TSPEAR: variants seen among roughly 807,000 people sequenced by gnomAD.
TSPEAR encodes the protein thrombospondin-type laminin G domain and EAR repeat-containing protein.
TSPEAR carries 69 observed loss-of-function variants against 71.6 expected under a neutral mutation model. The observed-to-expected ratio is 0.96, with a 90% CI of 0.79 to 1.18. TSPEAR has a LOEUF of 1.18. TSPEAR is among the 50% of genes most tolerant of loss of function. The pLI is 0.00. For missense variants in TSPEAR, 971 were observed against 894.9 expected, an observed-to-expected ratio of 1.09 and a Z score of -1.09; for synonymous variants, 402 against 387.2, an observed-to-expected ratio of 1.04 and a Z score of -0.45.
At chr21:44,668,984 C>A in intron 1 of TSPEAR, among the ~76,000 whole-genome samples, 1 of 152,052 alleles carries the variant, frequency 6.6e-6, no homozygotes, top group Non-Finnish European at 1.5e-5. Flanking sequence ...TTTTAAAATC[C>A]ACATGATAGA....
In TSPEAR at chr21:44,580,337, G is replaced by A. The variant is rs1555924873; in HGVS notation, c.83-12332C>T. ...GCAGCAGGCCTGCTGGCAGGGGGAG[G>A]AGGCGCAGCAAGCCGGCTGGCAGCA... On this transcript the variant is annotated intron_variant, in intron 1 of 11. Transcript: ENST00000323084. 3.7e-6 allele frequency: 6 copies of A among 1,614,080 alleles called. No individual in the cohort carries two copies. The East Asian group carries it at 1.1e-4, about 30-fold the overall frequency.
At chr21:44,594,309 T>C (rs2146132218) in intron 1 of TSPEAR, among the ~76,000 whole-genome samples, 1 of 152,274 alleles carries the variant, frequency 6.6e-6, no homozygotes, top group South Asian at 2.1e-4. Context: ...GGGGACAAGA[T>C]GTAACCTTAT....
intron 2 of TSPEAR, among the ~76,000 whole-genome samples, chr21:44,536,703 A>G (rs1438481011): frequency 6.6e-6 from 1 of 152,238 alleles, no homozygotes; most frequent in South Asian, 2.1e-4. Context: ...AGGAAAAACA[A>G]TAGAAATGGG....
intron 2 of TSPEAR, among the ~76,000 whole-genome samples, chr21:44,556,342 C>T (rs1301406156): frequency 6.6e-6 from 1 of 151,882 alleles, no homozygotes; most frequent in African/African-American, 2.4e-5. Flanking sequence ...CTCCACTGCA[C>T]TCTAGCCTGG....
rs1463273612 is a variant in TSPEAR, at chr21:44,506,663, G to A, written c.1755-1782C>T. 6.6e-6 allele frequency: 1 copy of A among 152,366 alleles called. No individual in the cohort carries two copies. Among genetic ancestry groups the A allele is most frequent in the Non-Finnish European group, 1.5e-5 (1 of 68,132 alleles). 9.4% of individuals were successfully genotyped at this position (152,366 alleles called of 1,614,324 possible). A position where few individuals can be genotyped will look rare whatever the true frequency, so the allele number is the denominator to read the frequency against. Reference sequence around the variant, plus strand: ...CCCATGCAGCCCGTGCCAGCTCGCTGGGAGGAGGACGAGGACGCCTGTGAT... The same window carrying A: ...CCCATGCAGCCCGTGCCAGCTCGCTAGGAGGAGGACGAGGACGCCTGTGAT... On this transcript the variant is annotated intron_variant, in intron 10 of 11. Coordinates refer to ENST00000323084, the MANE Select transcript of TSPEAR (RefSeq NM_144991.3). This position sits in a 1 kb window ranked among gnomAD's most constrained non-coding sequence, Gnocchi z 4.2.
rs73909251 is a variant in TSPEAR at position 44,711,202 on chromosome 21, G to A, written c.82+231C>T. ...TGAAGCTCGTCCCCACCCTGCGTGC[G>A]TTCTAAAGAGCCGCGTTTCTATTGC... On this transcript the variant is annotated intron_variant, in intron 1 of 11. Transcript: ENST00000323084. The surrounding 1 kb of genome is among the most constrained non-coding windows in gnomAD (Gnocchi z 4.5). Among the ~76,000 whole-genome samples the A allele has an allele frequency of 4.7e-3, 714 of 151,542 alleles. 5 individuals are homozygous for A. Among genetic ancestry groups the A allele is most frequent in the African/African-American group, 0.016 (678 of 41,254 alleles).
At chr21:44,659,208 C>T (rs773463660) in intron 1 of TSPEAR, among the ~76,000 whole-genome samples, 73 of 151,768 alleles carry the variant, frequency 4.8e-4, no homozygotes, top group Non-Finnish European at 9.4e-4. Context: ...GTAGAGATCT[C>T]CTCTGAACGT....
At chr21:44,549,582 C>T (rs1555918237) in intron 2 of TSPEAR, among the ~76,000 whole-genome samples, 2 of 152,242 alleles carry the variant, frequency 1.3e-5, no homozygotes, top group African/African-American at 4.8e-5. Context: ...AGACTCAGGG[C>T]CTCTTGCGGG....
chr21:44,544,698 A>C (rs1421016229), intron 2 of TSPEAR, among the ~76,000 whole-genome samples: 1 of 151,426 alleles, frequency 6.6e-6, no homozygotes, highest in Non-Finnish European at 1.5e-5. Context: ...GCCCGGGGGG[A>C]GCCACATGGA....
intron 2 of TSPEAR, among the ~76,000 whole-genome samples, chr21:44,553,354 A>G (rs587634957): frequency 6.6e-6 from 1 of 152,244 alleles, no homozygotes; most frequent in African/African-American, 2.4e-5. Context: ...AAAATAAAAA[A>G]TGTTGAAGAT....
chr21:44,704,647 G>C (rs2838653), intron 1 of TSPEAR, among the ~76,000 whole-genome samples: 89,730 of 151,910 alleles, frequency 0.59, 27,334 homozygotes, highest in Non-Finnish European at 0.68. Context: ...AAGAGGAGCA[G>C]AGGTCTCTCC....
At chr21:44,668,920 T>A (rs56310126) in intron 1 of TSPEAR, among the ~76,000 whole-genome samples, 2 of 152,096 alleles carry the variant, frequency 1.3e-5, no homozygotes, top group Admixed American at 1.3e-4. Flanking sequence ...AGTAGGGAAA[T>A]TGAAACTATT....
chr21:44,551,352 C>T (rs1555918877), intron 2 of TSPEAR: 3 of 1,613,156 alleles, frequency 1.9e-6, no homozygotes, highest in Non-Finnish European at 2.5e-6. Flanking sequence ...TGGGGCACAG[C>T]AGCTGGGGGT....
At chr21:44,700,081 G>A (rs1213313169) in intron 1 of TSPEAR, among the ~76,000 whole-genome samples, 1 of 152,212 alleles carries the variant, frequency 6.6e-6, no homozygotes, top group Non-Finnish European at 1.5e-5. Context: ...CCTAGGAGAC[G>A]CCCCGTGCTT....
At chr21:44,580,705 C>A in intron 1 of TSPEAR, 4 of 1,016,532 alleles carry the variant, frequency 3.9e-6, no homozygotes, top group Non-Finnish European at 5.8e-6. Context: ...CCCTCCCTGG[C>A]GTGTGTTGTC....
At chr21:44,592,989 G>A (rs1215465684) in intron 1 of TSPEAR, among the ~76,000 whole-genome samples, 8 of 152,164 alleles carry the variant, frequency 5.3e-5, no homozygotes, top group African/African-American at 1.7e-4. Context: ...GGGGGTGGGG[G>A]GCAGCTGTAA....
chr21:44,557,724 C>G (rs2053556465), intron 2 of TSPEAR: 1 of 369,428 alleles, frequency 2.7e-6, no homozygotes, highest in African/African-American at 2.0e-5. Context: ...CCCGAAGCTC[C>G]CACCCCACGC....
chr21:44,558,601 G>A, intron 2 of TSPEAR: 1 of 1,611,800 alleles, frequency 6.2e-7, no homozygotes, highest in Non-Finnish European at 8.5e-7. Flanking sequence ...CAGGGGGCCG[G>A]GGCGCAGCAG....
chr21:44,554,077 T>A (rs1455941099), intron 2 of TSPEAR, among the ~76,000 whole-genome samples: 2 of 152,194 alleles, frequency 1.3e-5, no homozygotes, highest in Non-Finnish European at 2.9e-5. Flanking sequence ...AATGTTTGTA[T>A]CCTCCCAAAA....
Sources: gnomAD v4.1 joint callset for allele counts (sites outside exome capture counted in the v4.1 genomes callset) on GRCh38, gnomAD v4.1.1 for gene constraint, Gnocchi (gnomAD v3.1) non-coding constraint, MANE v1.5 for transcripts, NCBI Gene and HGNC (gene_info 2026-07-23, HGNC 2026-07-21) for gene names.